VOPP1: variants seen among roughly 807,000 people sequenced by gnomAD.
The protein encoded by VOPP1 is WW domain binding protein VOPP1.
Under a neutral mutation model 23.5 loss-of-function variants are expected in VOPP1, and 8 were observed. The observed-to-expected ratio is 0.34, with a 90% CI of 0.20 to 0.61. The LOEUF (loss-of-function observed/expected upper bound fraction) is 0.61. VOPP1 is among the 20% of genes least tolerant of loss of function. The probability of loss-of-function intolerance (pLI) is 0.78; values close to 1 mark genes in which losing one functional copy is unlikely to be tolerated. For missense variants in VOPP1, 174 were observed against 238.1 expected (o/e 0.73, Z 1.77); for synonymous variants, 83 against 97.3 (o/e 0.85, Z 0.86).
At chr7:55,521,531 T>C (rs1390161114) in intron 1 of VOPP1, 22 of 1,010,258 alleles carry the variant, frequency 2.2e-5, no homozygotes, top group Non-Finnish European at 2.5e-5. Flanking sequence ...AGATTTAGCA[T>C]TTCTAGAGCT....
intron 2 of VOPP1, among the ~76,000 whole-genome samples, chr7:55,507,019 T>G (rs1419080989): frequency 6.6e-6 from 1 of 152,194 alleles, no homozygotes. Context: ...CTGGGTCATA[T>G]CCTGGCTTTG....
chr7:55,437,486 A>G (rs1349901477), intron 4 of VOPP1, among the ~76,000 whole-genome samples: 1 of 152,214 alleles, frequency 6.6e-6, no homozygotes, highest in Admixed American at 6.5e-5. Flanking sequence ...GGGATTTCAT[A>G]GCCATTGGGA....
At chr7:55,501,703 C>T (rs1794381084) in intron 2 of VOPP1, among the ~76,000 whole-genome samples, 1 of 152,164 alleles carries the variant, frequency 6.6e-6, no homozygotes, top group Non-Finnish European at 1.5e-5. Flanking sequence ...CAGCTCACTG[C>T]CTAGCCATGA....
intron 1 of VOPP1, among the ~76,000 whole-genome samples, chr7:55,571,032 G>C (rs998788935): frequency 6.6e-6 from 1 of 152,142 alleles, no homozygotes; most frequent in Non-Finnish European, 1.5e-5. Flanking sequence ...GTTTTCATGC[G>C]ATTACTGGTC....
chr7:55,521,225 C>T (rs1437811975), intron 1 of VOPP1, 95 bp from the exon 2 acceptor site: 1 of 1,263,364 alleles, frequency 7.9e-7, no homozygotes, highest in Admixed American at 2.2e-5. Context: ...TGAGAAGACA[C>T]AGCTTAACCC....
At chr7:55,497,789 G>GCCATGCGGCCCAGGCTGGGCTTC in intron 2 of VOPP1, 99 bp from the exon 3 acceptor site, 1 of 1,011,332 alleles carries the variant, frequency 9.9e-7, no homozygotes, top group Non-Finnish European at 1.6e-6. Flanking sequence ...ATTCTTGAAG[G>GCCATGCGGCCCAGGCTGGGCTTC]AAGAAATCAG....
Position 55,505,005 on chromosome 7 carries a change from C to T in VOPP1, c.114-7315G>A, listed in dbSNP as rs181653844. Among the ~76,000 whole-genome samples the T allele has an allele frequency of 5.3e-5, 8 of 152,304 alleles. No homozygotes were observed. The East Asian group carries it at 1.4e-3, about 26-fold the overall frequency. ...TGGGACCCAAATATAGGACCTTATG[C>T]TTATCCATAAAAAGGGTAAACTTAT... On this transcript the variant is annotated intron_variant, in intron 2 of 4. Transcript: ENST00000285279.
At chr7:55,495,858 A>G (rs1381883750) in intron 3 of VOPP1, among the ~76,000 whole-genome samples, 1 of 152,230 alleles carries the variant, frequency 6.6e-6, no homozygotes, top group Non-Finnish European at 1.5e-5. Flanking sequence ...GAATCTCAAC[A>G]TTAATGACTC....
chr7:55,501,715 C>G (rs1055911433), intron 2 of VOPP1, among the ~76,000 whole-genome samples: 1 of 152,162 alleles, frequency 6.6e-6, no homozygotes, highest in Non-Finnish European at 1.5e-5. Context: ...TAGCCATGAA[C>G]AGCCTCCTCT....
intron 1 of VOPP1, among the ~76,000 whole-genome samples, chr7:55,540,176 G>T (rs1797055265): frequency 6.6e-6 from 1 of 151,956 alleles, no homozygotes; most frequent in Non-Finnish European, 1.5e-5. Flanking sequence ...GAGGAGGGTG[G>T]ATCACGAGGT....
chr7:55,550,416 G>A (rs1797554249), intron 1 of VOPP1, among the ~76,000 whole-genome samples: 2 of 152,132 alleles, frequency 1.3e-5, no homozygotes, highest in Non-Finnish European at 2.9e-5. Context: ...CCATGGTCTC[G>A]TACACTGCTG....
At chr7:55,494,175 G>A (rs528461771) in intron 3 of VOPP1, among the ~76,000 whole-genome samples, 4 of 152,264 alleles carry the variant, frequency 2.6e-5, no homozygotes, top group Non-Finnish European at 4.4e-5. Flanking sequence ...TAATGTGCTC[G>A]GCATCAAGAA....
At chr7:55,521,439 G>C (rs777750213) in intron 1 of VOPP1, 2 of 752,742 alleles carry the variant, frequency 2.7e-6, no homozygotes, top group Non-Finnish European at 3.5e-6. Context: ...TGATACTTCA[G>C]ATTACAAAAG....
At chr7:55,559,050 T>G (rs908923565) in intron 1 of VOPP1, among the ~76,000 whole-genome samples, 1 of 152,188 alleles carries the variant, frequency 6.6e-6, no homozygotes, top group African/African-American at 2.4e-5. Context: ...GAGCTATATA[T>G]AAGTCACTAA....
rs71547935 is a variant in VOPP1 at position 55,497,615 on chromosome 7, G to A, written c.189C>T (p.Phe63=). 1 of 1,602,376 alleles carries A rather than the reference G, an allele frequency of 6.2e-7. No homozygotes were observed. The highest frequency in any genetic ancestry group is 8.5e-7 in the Non-Finnish European group (1 of 1,173,824). Residue 63 remains phenylalanine (F), a splice_region_variant and synonymous_variant, in exon 3 of 5, where the codon TTC becomes TTT. Transcript: ENST00000285279. The part of the protein sequence containing the change: ...RALSIQRLWY[F]WFLLMMGVLF... ...AACAAGGAGGAGTTGTGACCTACCA[G>A]AAGTACCACAGCCTCTGTATGGAGA...
At chr7:55,450,476 T>C (rs1000810700) in intron 4 of VOPP1, among the ~76,000 whole-genome samples, 2 of 152,238 alleles carry the variant, frequency 1.3e-5, no homozygotes, top group East Asian at 1.9e-4. Flanking sequence ...GAAGTGTGCA[T>C]TGAGTATGTG....
At chr7:55,436,649 GGT>G (rs386410225) in intron 4 of VOPP1, among the ~76,000 whole-genome samples, 6 of 146,792 alleles carry the variant, frequency 4.1e-5, no homozygotes, top group Admixed American at 6.7e-5. Context: ...TGCGTGCGTG[GGT>G]GTGTGTGCGT....
chr7:55,567,767 C>A (rs977061276), intron 1 of VOPP1, among the ~76,000 whole-genome samples: 1 of 152,202 alleles, frequency 6.6e-6, no homozygotes, highest in East Asian at 1.9e-4. Flanking sequence ...CCAGAGACAG[C>A]AAACTCCCTG....
chr7:55,523,166 C>CA (rs2129042578), intron 1 of VOPP1, among the ~76,000 whole-genome samples: 1 of 152,268 alleles, frequency 6.6e-6, no homozygotes, highest in East Asian at 1.9e-4. Context: ...CCAGCAAGAA[C>CA]AAAGGCCTCT....
Sources: gnomAD v4.1 joint callset for allele counts (sites outside exome capture counted in the v4.1 genomes callset) on GRCh38, gnomAD v4.1.1 for gene constraint, MANE v1.5 for transcripts, NCBI Gene and HGNC (gene_info 2026-07-23, HGNC 2026-07-21) for gene names.